Variants in BRINP3 observed in about 807,000 individuals in gnomAD.
BRINP3 encodes the protein BMP/retinoic acid inducible neural specific 3, also known as BMP/retinoic acid-inducible neural-specific protein 3.
A neutral mutation model predicts 71.0 loss-of-function variants in BRINP3; 19 were observed. The observed-to-expected ratio is 0.27, with a 90% CI of 0.19 to 0.39. The LOEUF (loss-of-function observed/expected upper bound fraction) is 0.39, where lower values mean the gene tolerates loss of function less well. Among genes scored for constraint, BRINP3 ranks in the 10% least tolerant of loss-of-function variants. The pLI is 1.00. For synonymous variants in BRINP3, 380 were observed against 337.7 expected (o/e 1.13, Z -1.37); for missense variants, 959 against 940.8 (o/e 1.02, Z -0.25).
At chr1:190,274,895 G>A (rs967172035) in intron 3 of BRINP3, among the ~76,000 whole-genome samples, 2 of 151,568 alleles carry the variant, frequency 1.3e-5, no homozygotes, top group African/African-American at 4.8e-5. Flanking sequence ...AACATATTAG[G>A]ATAGTTAAGA....
intron 7 of BRINP3, among the ~76,000 whole-genome samples, chr1:190,105,163 T>TC (rs1652044047): frequency 6.6e-6 from 1 of 152,044 alleles, no homozygotes; most frequent in South Asian, 2.1e-4. Flanking sequence ...TTTGGCAGCG[T>TC]TGCCTAGGGC....
At chr1:190,248,088 C>T (rs933251731) in intron 4 of BRINP3, among the ~76,000 whole-genome samples, 7 of 151,792 alleles carry the variant, frequency 4.6e-5, no homozygotes, top group African/African-American at 1.7e-4. Flanking sequence ...TCAGAATATC[C>T]TTCCTATCAA....
intron 2 of BRINP3, among the ~76,000 whole-genome samples, chr1:190,432,790 A>G (rs576158300): frequency 6.6e-6 from 1 of 152,322 alleles, no homozygotes; most frequent in East Asian, 1.9e-4. Flanking sequence ...TGGATCTGGT[A>G]CAGTTTAGGA....
At chr1:190,293,737 T>C (rs1050503268) in intron 2 of BRINP3, among the ~76,000 whole-genome samples, 12 of 152,214 alleles carry the variant, frequency 7.9e-5, no homozygotes, top group African/African-American at 2.9e-4. Context: ...CATTATATCC[T>C]GTTACTGAAT....
intron 1 of BRINP3, among the ~76,000 whole-genome samples, chr1:190,460,206 A>C (rs1014270915): frequency 2.0e-5 from 3 of 151,272 alleles, no homozygotes; most frequent in Admixed American, 2.0e-4. Flanking sequence ...ATAATACGAT[A>C]CATATTATTC....
At chr1:190,234,540 T>C in intron 4 of BRINP3, 63 bp from the exon 5 acceptor site, 1 of 1,247,532 alleles carries the variant, frequency 8.0e-7, no homozygotes, top group African/African-American at 1.5e-5. Flanking sequence ...TTTGGTTCAC[T>C]GTAGTTGTCA....
At chr1:190,298,316 G>T (rs1664407804) in intron 2 of BRINP3, among the ~76,000 whole-genome samples, 1 of 151,504 alleles carries the variant, frequency 6.6e-6, no homozygotes, top group African/African-American at 2.4e-5. Flanking sequence ...TTAATCTATT[G>T]TTTCTCTTTT....
At chr1:190,215,937 CT>C (rs1656374320) in intron 6 of BRINP3, among the ~76,000 whole-genome samples, 1 of 150,622 alleles carries the variant, frequency 6.6e-6, no homozygotes, top group African/African-American at 2.4e-5. Context: ...AGACCAATCT[CT>C]TTATTTTTCC....
intron 1 of BRINP3, among the ~76,000 whole-genome samples, 194 bp downstream of exon 1, chr1:190,477,254 T>C (rs1677559003): frequency 6.6e-6 from 1 of 152,088 alleles, no homozygotes; most frequent in Non-Finnish European, 1.5e-5. Context: ...CATGGGATAT[T>C]GGGGTAATAC....
intron 2 of BRINP3, among the ~76,000 whole-genome samples, chr1:190,417,248 A>C (rs1167917344): frequency 6.6e-6 from 1 of 152,130 alleles, no homozygotes; most frequent in African/African-American, 2.4e-5. Context: ...TTAACAAAAA[A>C]AAAATCATTT....
intron 2 of BRINP3, chr1:190,302,610 C>T (rs1317983189): frequency 1.3e-5 from 2 of 151,776 alleles, no homozygotes; most frequent in Non-Finnish European, 2.9e-5. Context: ...TTCAACCTTT[C>T]CTTAAAAATC....
intron 6 of BRINP3, among the ~76,000 whole-genome samples, chr1:190,223,567 A>G (rs1657072014): frequency 6.6e-6 from 1 of 151,896 alleles, no homozygotes; most frequent in Non-Finnish European, 1.5e-5. Context: ...GCTGAATGAG[A>G]AAAATAATTT....
chr1:190,178,865 G>A (rs1159672102), intron 6 of BRINP3, among the ~76,000 whole-genome samples: 1 of 152,062 alleles, frequency 6.6e-6, no homozygotes, highest in East Asian at 1.9e-4. Context: ...GGGAGGTAAT[G>A]CATTTAAATT....
chr1:190,474,848 C>T (rs1283263445), intron 1 of BRINP3: 3 of 152,142 alleles, frequency 2.0e-5, no homozygotes, highest in Non-Finnish European at 4.4e-5. Flanking sequence ...CAGCAGTAAC[C>T]AGCGGCCAAG....
chr1:190,359,863 T>C (rs1210907475), intron 2 of BRINP3, among the ~76,000 whole-genome samples: 2 of 152,156 alleles, frequency 1.3e-5, no homozygotes, highest in Non-Finnish European at 2.9e-5. Context: ...GATAGTTAGT[T>C]TCATAGTCAG....
intron 4 of BRINP3, among the ~76,000 whole-genome samples, chr1:190,259,788 A>C: frequency 6.6e-6 from 1 of 152,026 alleles, no homozygotes; most frequent in East Asian, 1.9e-4. Context: ...CCAGCACTTT[A>C]GGAGGCTGAG....
intron 2 of BRINP3, among the ~76,000 whole-genome samples, chr1:190,390,262 G>C (rs537931586): frequency 6.6e-6 from 1 of 151,820 alleles, no homozygotes; most frequent in South Asian, 2.1e-4. Flanking sequence ...GAAAGAGAGG[G>C]TGCTAGATTC....
At chr1:190,102,404 C>T (rs1256683989) in intron 7 of BRINP3, among the ~76,000 whole-genome samples, 1 of 151,996 alleles carries the variant, frequency 6.6e-6, no homozygotes, top group Non-Finnish European at 1.5e-5. Flanking sequence ...TCTTTTTATG[C>T]TTAAGTATTA....
intron 2 of BRINP3, among the ~76,000 whole-genome samples, chr1:190,301,178 T>TATATATGTATATATATATATATATAC (rs1553283671): frequency 2.4e-5 from 1 of 41,460 alleles, no homozygotes; most frequent in African/African-American, 5.8e-5. Flanking sequence ...TATATATACA[T>TATATATGTATATATATATATATATAC]ATATATATGT....
Sources: allele counts gnomAD v4.1 joint callset (sites outside exome capture counted in the v4.1 genomes callset), GRCh38; gene constraint gnomAD v4.1.1; transcripts MANE v1.5; gene names NCBI Gene and HGNC (gene_info 2026-07-23, HGNC 2026-07-21).